Variants in ATP8A1 observed in about 807,000 individuals in gnomAD.
ATP8A1 encodes phospholipid-transporting ATPase IA.
ATP8A1 carries 90 observed loss-of-function variants against 177.7 expected under a neutral mutation model. The observed-to-expected ratio is 0.51, with a 90% CI of 0.43 to 0.60. ATP8A1 has a LOEUF of 0.60. Ranked by LOEUF, ATP8A1 falls within the 20% of genes least tolerant of loss-of-function variation. The pLI is 0.00. For synonymous variants in ATP8A1, 493 were observed against 485.9 expected, an observed-to-expected ratio of 1.01 and a Z score of -0.19; for missense variants, 1,072 against 1,392.8, an observed-to-expected ratio of 0.77 and a Z score of 3.67.
At chr4:42,413,053 C>T (rs1296064042) in intron 36 of ATP8A1, 40 bp from the exon 37 acceptor site, 1 of 1,533,442 alleles carries the variant, frequency 6.5e-7, no homozygotes, top group Admixed American at 1.7e-5. Flanking sequence ...CACAAAGGCA[C>T]TGGAAACCAC....
At chr4:42,501,108 T>C (rs765338900) in intron 24 of ATP8A1, among the ~76,000 whole-genome samples, 12 of 152,204 alleles carry the variant, frequency 7.9e-5, no homozygotes, top group Non-Finnish European at 1.6e-4. Context: ...GTAGAAAATC[T>C]GAACAGAAAA....
intron 20 of ATP8A1, among the ~76,000 whole-genome samples, chr4:42,525,274 G>A (rs574607267): frequency 2.0e-5 from 3 of 152,134 alleles, no homozygotes; most frequent in Non-Finnish European, 2.9e-5. Flanking sequence ...AATAATCCTC[G>A]GGGACTTTAA....
Position 42,557,967 on chromosome 4 carries a change from C to T in ATP8A1, c.1341-1927G>A, listed in dbSNP as rs148626551. 5.9e-3 allele frequency among the ~76,000 whole-genome samples: 899 copies of T among 152,100 alleles called. 13 individuals are homozygous for T. The highest frequency in any genetic ancestry group is 0.02 in the African/African-American group (840 of 41,480). ...GCTTGAACCTGGGAGGTGGAGGTTG[C>T]GGTGAGCCGAAACTGCACCACTGGA... On this transcript the variant is annotated intron_variant, in intron 15 of 36. Transcript: ENST00000381668.
Position 42,412,928 on chromosome 4 carries a change from G to A in ATP8A1, c.3483C>T (p.Pro1161=), listed in dbSNP as rs78469447. 8.5e-3 allele frequency: 13,655 copies of A among 1,613,200 alleles called. 96 individuals are homozygous for A. The highest frequency in any genetic ancestry group is 0.014 in the Middle Eastern group (82 of 6,054). Residue 1161 remains proline (P), a synonymous_variant, in exon 37 of 37, where the codon CCC becomes CCT. Coordinates refer to ENST00000381668, the MANE Select transcript of ATP8A1 (RefSeq NM_006095.2). ...IRAYDTTKQR[P]DEW The stretch of plus-strand genomic sequence containing the variant: ...CAGGCTCTCCCCATCACCATTCGTC[G>A]GGCCTCTGTTTCGTGGTATCATATG...
intron 25 of ATP8A1, chr4:42,471,702 C>T (rs1482346205): frequency 4.5e-5 from 12 of 266,414 alleles, no homozygotes; most frequent in Non-Finnish European, 7.4e-5. Context: ...ATTTTCTCTT[C>T]AGAAAATATC....
rs555833850 is a variant in ATP8A1 at position 42,645,366 on chromosome 4, C to T, written c.49+11459G>A. Among the ~76,000 whole-genome samples the T allele has an allele frequency of 1.4e-4, 21 of 152,268 alleles. No individual in the cohort carries two copies. In the South Asian group the frequency reaches 3.9e-3, roughly 29 times the overall value. On this transcript the variant is annotated intron_variant, in intron 1 of 36. Coordinates refer to ENST00000381668, the MANE Select transcript of ATP8A1 (RefSeq NM_006095.2). ...TTGTCTATCACTTGGCTAGCTAATA[C>T]TCTTGGTTTCTTGGCTCGCAACCTA...
chr4:42,589,347 A>G (rs1418344626), intron 7 of ATP8A1, among the ~76,000 whole-genome samples: 1 of 152,246 alleles, frequency 6.6e-6, no homozygotes. Flanking sequence ...TCAAAGCTAG[A>G]AAGAAAAAAA....
chr4:42,569,044 C>A, intron 15 of ATP8A1, 117 bp downstream of exon 15: 1 of 409,192 alleles, frequency 2.4e-6, no homozygotes. Flanking sequence ...AACTGCTCAG[C>A]AATATTTTAT....
At chr4:42,459,475 C>G (rs887421234) in intron 27 of ATP8A1, 1 of 294,752 alleles carries the variant, frequency 3.4e-6, no homozygotes, top group African/African-American at 2.2e-5. Context: ...TTCCTGGTAT[C>G]TTGATAAATC....
At chr4:42,451,955 T>G in intron 30 of ATP8A1, 26 bp downstream of exon 30, 1 of 1,505,244 alleles carries the variant, frequency 6.6e-7, no homozygotes, top group Non-Finnish European at 9.1e-7. Context: ...AAGTCATCTC[T>G]TTGCATTCAT....
intron 9 of ATP8A1, among the ~76,000 whole-genome samples, chr4:42,585,146 C>T (rs1227861402): frequency 1.3e-5 from 2 of 151,964 alleles, no homozygotes; most frequent in Non-Finnish European, 2.9e-5. Context: ...GGCAAATGTC[C>T]TCACCTCCCA....
At chr4:42,448,401 C>CTTTTTTGTTTT (rs1553875019) in intron 30 of ATP8A1, among the ~76,000 whole-genome samples, 1 of 99,558 alleles carries the variant, frequency 1.0e-5, no homozygotes, top group Non-Finnish European at 1.9e-5. Context: ...TCTTTCTTTT[C>CTTTTTTGTTTT]TTTTTTTTTT....
At chr4:42,651,057 T>G (rs1577788450) in intron 1 of ATP8A1, among the ~76,000 whole-genome samples, 4 of 152,322 alleles carry the variant, frequency 2.6e-5, no homozygotes, top group Admixed American at 2.6e-4. Context: ...TGAATAAGTC[T>G]CACAAGATCT....
At chr4:42,523,915 T>C (rs1176216513) in intron 21 of ATP8A1, among the ~76,000 whole-genome samples, 2 of 152,206 alleles carry the variant, frequency 1.3e-5, no homozygotes, top group South Asian at 2.1e-4. Context: ...TTAAAAAACA[T>C]TCCTATCTTT....
intron 25 of ATP8A1, among the ~76,000 whole-genome samples, chr4:42,468,393 T>C (rs1720020617): frequency 6.6e-6 from 1 of 151,500 alleles, no homozygotes; most frequent in Non-Finnish European, 1.5e-5. Context: ...TGTATGTGTG[T>C]GTATATATTT....
In ATP8A1 at chr4:42,583,542, C is replaced by T. The variant is rs554614738; in HGVS notation, c.723-1810G>A. On this transcript the variant is annotated intron_variant, in intron 9 of 36. Transcript: ENST00000381668. ...GTGGTGTGGATTGACCGGAATTAGA[C>T]ACAAACTCTTCAAAAGCAAAACATA... Among the ~76,000 whole-genome samples the T allele has an allele frequency of 3.3e-5, 5 of 152,286 alleles. No homozygotes were observed. The East Asian group carries it at 7.7e-4, about 24-fold the overall frequency.
intron 25 of ATP8A1, among the ~76,000 whole-genome samples, chr4:42,475,069 C>T (rs564844307): frequency 9.9e-5 from 15 of 152,256 alleles, no homozygotes; most frequent in South Asian, 2.1e-4. Context: ...ATTTTACAAA[C>T]GAGGAATCCA....
At chr4:42,500,348 C>G (rs56918536) in intron 24 of ATP8A1, among the ~76,000 whole-genome samples, 41,502 of 151,654 alleles carry the variant, frequency 0.27, 6,167 homozygotes, top group African/African-American at 0.4. Context: ...CTGGGTGACA[C>G]AGCGAGACTC....
In ATP8A1 at chr4:42,412,854, C is replaced by T. The variant is rs144171824; in HGVS notation, c.*62G>A. 2.5e-5 allele frequency: 36 copies of T among 1,425,406 alleles called. No individual in the cohort carries two copies. Among genetic ancestry groups the T allele is most frequent in the Middle Eastern group, 1.8e-4 (1 of 5,624 alleles). The allele number at this position is 1,425,406 out of a possible 1,614,324, so 88.3% of individuals were successfully genotyped here. On this transcript the variant is annotated 3_prime_UTR_variant, in exon 37 of 37. Coordinates refer to ENST00000381668, the MANE Select transcript of ATP8A1 (RefSeq NM_006095.2). ...CAGACTGGAATTGGTTAGCAGACTG[C>T]GGTGACAACCTGGTAGCTCTCCTTA...
Sources: allele counts gnomAD v4.1 joint callset (sites outside exome capture counted in the v4.1 genomes callset), GRCh38; gene constraint gnomAD v4.1.1; transcripts MANE v1.5; gene names NCBI Gene and HGNC (gene_info 2026-07-23, HGNC 2026-07-21).